The following CAMK2B variants were observed in gnomAD, a reference collection of about 807,000 sequenced individuals.
The protein encoded by CAMK2B is calcium/calmodulin dependent protein kinase II beta.
CAMK2B carries 27 observed loss-of-function variants against 93.7 expected under a neutral mutation model. The ratio of observed to expected loss-of-function variants is 0.29; its 90% CI spans 0.21 to 0.40. CAMK2B has a LOEUF of 0.40. CAMK2B is among the 10% of genes least tolerant of loss of function. CAMK2B has a pLI of 1.00. For synonymous variants in CAMK2B, 374 were observed against 358.8 expected (o/e 1.04, Z -0.48); for missense variants, 568 against 895.8 (o/e 0.63, Z 4.67).
At chr7:44,323,534 C>A (rs894244476) in intron 1 of CAMK2B, among the ~76,000 whole-genome samples, 5 of 152,338 alleles carry the variant, frequency 3.3e-5, no homozygotes, top group Non-Finnish European at 5.9e-5. Context: ...GGAGGCTCAG[C>A]GGGGAGCTGG....
rs867728010 is a variant in CAMK2B at position 44,234,413 on chromosome 7, C to T, written c.1108G>A (p.Gly370Arg). ...ACCAGGGCGGCAGGAGGAAGCGTCCCTTTGGGGCTGGTGGCGGCTGCACTG... is the reference window on the plus strand; with the variant it reads ...ACCAGGGCGGCAGGAGGAAGCGTCCTTTTGGGGCTGGTGGCGGCTGCACTG... ...KNSAAATSPK[G>R]TLPPAALEPQ... The change falls in exon 15 of 24, where the codon GGG (glycine) becomes AGG (arginine). Residue 370 changes from glycine (G) to arginine (R), a missense_variant. This residue lies in a region of CAMK2B where 308 missense variants were observed against 292.1 expected (regional missense o/e 1.05). Coordinates refer to ENST00000395749, the MANE Select transcript of CAMK2B (RefSeq NM_001220.5). 1 of 1,541,738 alleles carries T rather than the reference C, an allele frequency of 6.5e-7. No individual in the cohort carries two copies. The highest frequency in any genetic ancestry group is 1.4e-5 in the African/African-American group (1 of 72,178).
At chr7:44,233,824 CAG>C (rs1213380196) in intron 15 of CAMK2B, among the ~76,000 whole-genome samples, 1 of 152,170 alleles carries the variant, frequency 6.6e-6, no homozygotes, top group African/African-American at 2.4e-5. Context: ...TGAGGGAACA[CAG>C]AGGTGACGGC....
intron 1 of CAMK2B, among the ~76,000 whole-genome samples, chr7:44,307,680 G>A (rs901837670): frequency 6.6e-6 from 1 of 152,066 alleles, no homozygotes; most frequent in African/African-American, 2.4e-5. Context: ...CATGAGATGC[G>A]CTTAGCCAGA....
intron 4 of CAMK2B, among the ~76,000 whole-genome samples, 167 bp from the exon 5 acceptor site, chr7:44,254,774 A>ATCAC: frequency 8.7e-6 from 1 of 114,744 alleles, no homozygotes; most frequent in African/African-American, 3.4e-5. Context: ...ACCACCACCA[A>ATCAC]CTACCACCAT....
chr7:44,243,792 A>G (rs895025622), intron 6 of CAMK2B, among the ~76,000 whole-genome samples: 24 of 152,196 alleles, frequency 1.6e-4, no homozygotes, highest in Non-Finnish European at 2.6e-4. Context: ...CTTGGCTCTC[A>G]GCCTGAGCTT....
intron 2 of CAMK2B, among the ~76,000 whole-genome samples, chr7:44,280,971 G>T (rs1049202049): frequency 2.6e-5 from 4 of 152,196 alleles, no homozygotes; most frequent in African/African-American, 4.8e-5. Context: ...AGTGTTTGAG[G>T]TTCCTGCTCT....
intron 11 of CAMK2B, among the ~76,000 whole-genome samples, chr7:44,241,171 G>C (rs2096674356): frequency 6.6e-6 from 1 of 152,094 alleles, no homozygotes; most frequent in Non-Finnish European, 1.5e-5. Context: ...CAGGCAACAA[G>C]TCCCCATCCC....
intron 20 of CAMK2B, 127 bp downstream of exon 20, chr7:44,226,389 C>G: frequency 1.3e-6 from 1 of 748,576 alleles, no homozygotes; most frequent in Non-Finnish European, 2.0e-6. Context: ...CCCTGGGACC[C>G]AGCAGAGGGA....
chr7:44,245,264 C>T (rs972474890), intron 6 of CAMK2B, among the ~76,000 whole-genome samples: 2 of 152,142 alleles, frequency 1.3e-5, no homozygotes, highest in Admixed American at 6.5e-5. Context: ...GGCTCTTTTG[C>T]AGTTCCCTGG....
At chr7:44,320,474 G>A (rs1395050222) in intron 1 of CAMK2B, among the ~76,000 whole-genome samples, 1 of 152,138 alleles carries the variant, frequency 6.6e-6, no homozygotes, top group Non-Finnish European at 1.5e-5. Flanking sequence ...GCTTCTCTGT[G>A]CCTCAGCTAC....
intron 19 of CAMK2B, 48 bp from the exon 20 acceptor site, chr7:44,226,692 A>G (rs999627035): frequency 7.0e-7 from 1 of 1,418,830 alleles, no homozygotes; most frequent in Non-Finnish European, 9.2e-7. Context: ...CACGGGGGGC[A>G]CGCAGGAGAG....
rs191781233 is a variant in CAMK2B, at chr7:44,316,213, G to A, written c.65+9144C>T. ...GGAAGTTCCTTTCTACTTGTCATTT[G>A]TTGAGTTTTTATCATGAAATGGTAT... On this transcript the variant is annotated intron_variant, in intron 1 of 23. Transcript: ENST00000395749. Among the ~76,000 whole-genome samples the A allele has an allele frequency of 2.6e-5, 4 of 152,152 alleles. No individual in the cohort carries two copies. The East Asian group carries it at 7.7e-4, about 29-fold the overall frequency.
At chr7:44,280,671 G>A (rs1365899260) in intron 2 of CAMK2B, among the ~76,000 whole-genome samples, 2 of 152,200 alleles carry the variant, frequency 1.3e-5, no homozygotes, top group African/African-American at 2.4e-5. Context: ...TGAGTGTGGG[G>A]TCTCAGTGGC....
chr7:44,253,213 T>G (rs867244929), intron 5 of CAMK2B, among the ~76,000 whole-genome samples: 13 of 151,398 alleles, frequency 8.6e-5, no homozygotes, highest in East Asian at 3.9e-4. Flanking sequence ...TTTTTTTTTT[T>G]GGTTTTTTTT....
rs1393212563 is a variant in CAMK2B at position 44,312,941 on chromosome 7, T to TGGTG, written c.65+12412_65+12415dup. 6.6e-6 allele frequency among the ~76,000 whole-genome samples: 1 copy of TGGTG among 151,730 alleles called. No individual in the cohort carries two copies. Among genetic ancestry groups the TGGTG allele is most frequent in the Non-Finnish European group, 1.5e-5 (1 of 67,924 alleles). Reference sequence around the variant, plus strand: ...TTATGATGAAAGGATGGGGATGGGGTGGTGGTAGGCAGTGGGCCCAGGACA... The same window carrying TGGTG: ...TTATGATGAAAGGATGGGGATGGGGTGGTGGGTGGTAGGCAGTGGGCCCAGGACA... On this transcript the variant is annotated intron_variant, in intron 1 of 23. Coordinates refer to ENST00000395749, the MANE Select transcript of CAMK2B (RefSeq NM_001220.5). This position sits in a 1 kb window ranked among gnomAD's most constrained non-coding sequence, Gnocchi z 4.1.
rs115013200 is a variant in CAMK2B, at chr7:44,293,654, G to A, written c.66-9429C>T. 8.4e-3 allele frequency among the ~76,000 whole-genome samples: 1,285 copies of A among 152,256 alleles called. 20 individuals carry two copies. The highest frequency in any genetic ancestry group is 0.029 in the African/African-American group (1,224 of 41,544). Reference sequence around the variant, plus strand: ...CATTAGTTAGATTATCTTAAGGAGCGCGCAACCTAGATCCCTCGCTTGCAC... The same window carrying A: ...CATTAGTTAGATTATCTTAAGGAGCACGCAACCTAGATCCCTCGCTTGCAC... On this transcript the variant is annotated intron_variant, in intron 1 of 23. Transcript: ENST00000395749.
intron 2 of CAMK2B, among the ~76,000 whole-genome samples, chr7:44,280,866 C>T (rs1338204300): frequency 1.3e-5 from 2 of 152,190 alleles, no homozygotes; most frequent in African/African-American, 2.4e-5. Context: ...AGGTGAAACG[C>T]CCATGTGGCA....
intron 1 of CAMK2B, among the ~76,000 whole-genome samples, chr7:44,295,684 G>T (rs1788094062): frequency 6.6e-6 from 1 of 152,202 alleles, no homozygotes; most frequent in Non-Finnish European, 1.5e-5. Context: ...TCTGGCAGGG[G>T]GAGGAGAAAA....
At chr7:44,231,785 C>T (rs1007513318) in intron 16 of CAMK2B, among the ~76,000 whole-genome samples, 6 of 152,232 alleles carry the variant, frequency 3.9e-5, no homozygotes, top group Non-Finnish European at 5.9e-5. Flanking sequence ...CACCCTGCTC[C>T]AGGGCTGCTG....
Sources: allele counts gnomAD v4.1 joint callset (sites outside exome capture counted in the v4.1 genomes callset), GRCh38; gene constraint gnomAD v4.1.1; regional missense constraint gnomAD v4.1.1; non-coding constraint Gnocchi (gnomAD v3.1); transcripts MANE v1.5; gene names NCBI Gene and HGNC (gene_info 2026-07-23, HGNC 2026-07-21).